Variants in LDAH observed in about 807,000 individuals in gnomAD.
LDAH encodes the protein lipid droplet-associated hydrolase.
Under a neutral mutation model 29.6 loss-of-function variants are expected in LDAH, and 26 were observed. That is an observed-to-expected ratio of 0.88 (90% CI 0.64 to 1.22). The LOEUF is 1.22. Ranked by LOEUF, LDAH falls within the 50% of genes most tolerant of loss-of-function variation. The pLI, the probability that LDAH is intolerant of heterozygous loss-of-function variation, is 0.00. For missense variants in LDAH, 344 were observed against 387.3 expected, an observed-to-expected ratio of 0.89 and a Z score of 0.94; for synonymous variants, 117 against 133.0, an observed-to-expected ratio of 0.88 and a Z score of 0.83.
At chr2:20,766,907 G>C (rs1162034431) in intron 4 of LDAH, among the ~76,000 whole-genome samples, 2 of 152,210 alleles carry the variant, frequency 1.3e-5, no homozygotes, top group Non-Finnish European at 2.9e-5. Flanking sequence ...TGTGCCTCAG[G>C]AGGGGGCTCT....
intron 1 of LDAH, among the ~76,000 whole-genome samples, chr2:20,803,241 G>C (rs376540805): frequency 6.6e-6 from 1 of 152,138 alleles, no homozygotes; most frequent in South Asian, 2.1e-4. Flanking sequence ...GTAGTACTAG[G>C]TGCCTGCAGG....
chr2:20,744,848 T>C (rs974317088), intron 4 of LDAH, among the ~76,000 whole-genome samples: 13 of 152,158 alleles, frequency 8.5e-5, no homozygotes, highest in African/African-American at 3.1e-4. Context: ...AATTCATCAA[T>C]TACAGCTCAG....
chr2:20,722,572 C>T (rs1302421757), intron 5 of LDAH, among the ~76,000 whole-genome samples: 1 of 151,844 alleles, frequency 6.6e-6, no homozygotes, highest in African/African-American at 2.4e-5. Context: ...TTGTATATTT[C>T]AAAATAGCTA....
Position 20,803,590 on chromosome 2 carries a change from T to C in LDAH, c.-2-2125A>G, listed in dbSNP as rs536454641. Among the ~76,000 whole-genome samples, 5 of 152,180 alleles carry C rather than the reference T, an allele frequency of 3.3e-5. No individual in the cohort carries two copies. In the South Asian group the frequency reaches 1.0e-3, roughly 32 times the overall value. On this transcript the variant is annotated intron_variant, in intron 1 of 6. Transcript: ENST00000237822. ...AACTCACTTGCACCCCAAGGGTTGT[T>C]ACTGTGGCCCTGCCGCACTGCCCTG...
intron 5 of LDAH, among the ~76,000 whole-genome samples, chr2:20,708,190 C>T (rs1012008277): frequency 1.3e-5 from 2 of 152,158 alleles, no homozygotes; most frequent in African/African-American, 4.8e-5. Flanking sequence ...CCAAACCATT[C>T]CCCCAGCCTG....
At chr2:20,790,787 T>C (rs1670892892) in intron 2 of LDAH, among the ~76,000 whole-genome samples, 1 of 152,208 alleles carries the variant, frequency 6.6e-6, no homozygotes, top group Admixed American at 6.5e-5. Flanking sequence ...CTTATAATTG[T>C]AAACAGGTGT....
intron 5 of LDAH, among the ~76,000 whole-genome samples, chr2:20,722,377 C>G (rs1448711249): frequency 1.4e-5 from 1 of 70,842 alleles, no homozygotes; most frequent in Admixed American, 1.8e-4. Context: ...GAAACTGTCT[C>G]AAAAAAAAAA....
chr2:20,709,123 G>C (rs1664516559), intron 5 of LDAH, among the ~76,000 whole-genome samples: 1 of 152,130 alleles, frequency 6.6e-6, no homozygotes, highest in African/African-American at 2.4e-5. Context: ...GATGCTACAA[G>C]TGGAAAATTT....
chr2:20,686,786 A>G lies in LDAH; in HGVS notation c.*117T>C. 1 of 935,734 alleles carries G rather than the reference A, an allele frequency of 1.1e-6. No individual in the cohort carries two copies. Among genetic ancestry groups the G allele is most frequent in the Non-Finnish European group, 1.6e-6 (1 of 623,892 alleles). The allele number at this position is 935,734 out of a possible 1,614,324, so 58.0% of individuals were successfully genotyped here. ...AGCGGAGAGTTGGTTTGTAAGACAA[A>G]GGTTCTCACTTTCTTCATTTCTAAT... On this transcript the variant is annotated 3_prime_UTR_variant, in exon 7 of 7. Transcript: ENST00000237822.
At chr2:20,750,079 GC>G (rs1471345741) in intron 4 of LDAH, among the ~76,000 whole-genome samples, 3 of 145,260 alleles carry the variant, frequency 2.1e-5, no homozygotes, top group African/African-American at 7.6e-5. Flanking sequence ...AGACTGGAGT[GC>G]CATGGTGCAA....
rs1205280824 is a variant in LDAH, at chr2:20,710,673, CAT to C, written c.704-9023_704-9022del. Among the ~76,000 whole-genome samples, 354 of 136,428 alleles carry C rather than the reference CAT, an allele frequency of 2.6e-3. 7 individuals are homozygous for C. The highest frequency in any genetic ancestry group is 7.5e-3 in the African/African-American group (281 of 37,368). 89.5% of individuals were successfully genotyped at this position (136,428 alleles called of 152,430 possible). Reference sequence around the variant, plus strand: ...CATATATATACACATATATATTATACATATATATACACATATATATTATACAT... The same window carrying C: ...CATATATATACACATATATATTATACATATATACACATATATATTATACAT... On this transcript the variant is annotated intron_variant, in intron 5 of 6. Transcript: ENST00000237822.
intron 4 of LDAH, among the ~76,000 whole-genome samples, chr2:20,749,790 T>C (rs910506585): frequency 4.6e-5 from 7 of 152,180 alleles, no homozygotes; most frequent in Admixed American, 4.6e-4. Flanking sequence ...TAAGTCCCCA[T>C]ATCAGCTTTG....
At chr2:20,756,611 A>G (rs1479672067) in intron 4 of LDAH, among the ~76,000 whole-genome samples, 3 of 152,238 alleles carry the variant, frequency 2.0e-5, no homozygotes, top group Non-Finnish European at 4.4e-5. Context: ...GCCAAAATCA[A>G]AAGTTTAATT....
chr2:20,780,332 A>C (rs571834070), intron 3 of LDAH, among the ~76,000 whole-genome samples: 1 of 152,202 alleles, frequency 6.6e-6, no homozygotes, highest in Non-Finnish European at 1.5e-5. Context: ...TTATCTGCTA[A>C]GGACTTCAAC....
chr2:20,816,064 C>G (rs2125160147), intron 1 of LDAH, among the ~76,000 whole-genome samples: 1 of 152,106 alleles, frequency 6.6e-6, no homozygotes, highest in South Asian at 2.1e-4. Context: ...ATAAAAGTAT[C>G]CCTTGTGATA....
chr2:20,814,964 G>A (rs2125155675), intron 1 of LDAH, among the ~76,000 whole-genome samples: 1 of 152,222 alleles, frequency 6.6e-6, no homozygotes, highest in South Asian at 2.1e-4. Context: ...GCTAATTACA[G>A]AGATAACTCT....
At chr2:20,720,418 C>A (rs1386301749) in intron 5 of LDAH, among the ~76,000 whole-genome samples, 1 of 151,826 alleles carries the variant, frequency 6.6e-6, no homozygotes. Context: ...TTTAACAAAA[C>A]AAGTTTTTCT....
At chr2:20,803,896 T>C (rs1671888416) in intron 1 of LDAH, among the ~76,000 whole-genome samples, 1 of 152,248 alleles carries the variant, frequency 6.6e-6, no homozygotes, top group Non-Finnish European at 1.5e-5. Context: ...TTAGTTACTA[T>C]GTGGCTTCTG....
chr2:20,722,229 C>T (rs1040611897), intron 5 of LDAH, among the ~76,000 whole-genome samples: 9 of 151,834 alleles, frequency 5.9e-5, no homozygotes, highest in African/African-American at 2.2e-4. Flanking sequence ...CAAAAATTAG[C>T]CGAGCGTGGT....
Sources: allele counts gnomAD v4.1 joint callset (sites outside exome capture counted in the v4.1 genomes callset), GRCh38; gene constraint gnomAD v4.1.1; transcripts MANE v1.5; gene names NCBI Gene and HGNC (gene_info 2026-07-23, HGNC 2026-07-21).